PITPNB: variants seen among roughly 807,000 people sequenced by gnomAD.
The protein encoded by PITPNB is phosphatidylinositol transfer protein beta isoform.
PITPNB carries 16 observed loss-of-function variants against 45.9 expected under a neutral mutation model. The ratio of observed to expected loss-of-function variants is 0.35; its 90% CI spans 0.24 to 0.53. The LOEUF (loss-of-function observed/expected upper bound fraction) is 0.53, where lower values mean the gene tolerates loss of function less well. PITPNB is among the 20% of genes least tolerant of loss of function. The probability of loss-of-function intolerance (pLI) is 0.93; values close to 1 mark genes in which losing one functional copy is unlikely to be tolerated. For missense variants in PITPNB, 188 were observed against 330.5 expected, an observed-to-expected ratio of 0.57 and a Z score of 3.34; for synonymous variants, 112 against 108.9, an observed-to-expected ratio of 1.03 and a Z score of -0.18.
intron 8 of PITPNB, among the ~76,000 whole-genome samples, chr22:27,869,899 T>C (rs1934601345): frequency 1.3e-5 from 2 of 151,194 alleles, no homozygotes; most frequent in South Asian, 2.1e-4. Flanking sequence ...GGCTTTTTAA[T>C]GGATCTCCCT....
intron 1 of PITPNB, 59 bp from the exon 2 acceptor site, chr22:27,914,406 C>A (rs1354603002): frequency 3.9e-6 from 4 of 1,024,526 alleles, no homozygotes; most frequent in Non-Finnish European, 5.9e-6. Flanking sequence ...AAACACAGAT[C>A]TCTGAAGAGG....
chr22:27,912,698 C>G (rs1935962644), intron 2 of PITPNB, among the ~76,000 whole-genome samples: 1 of 151,328 alleles, frequency 6.6e-6, no homozygotes. Context: ...AATGTGCATA[C>G]AGGCCTGGCA....
chr22:27,894,606 A>G lies in PITPNB; in HGVS notation c.405T>C (p.Thr135=). ...CAATATCTATATGGACAATTTCAACAGTTTTCCATGTGTTTGGATCTAAAC... is the reference window on the plus strand; with the variant it reads ...CAATATCTATATGGACAATTTCAACGGTTTTCCATGTGTTTGGATCTAAAC... ...VHGLDPNTWK[T]VEIVHIDIAD... Residue 135 remains threonine (T), a synonymous_variant, in exon 7 of 12, where the codon ACT becomes ACC. Coordinates refer to ENST00000335272, the MANE Select transcript of PITPNB (RefSeq NM_012399.5). 1 of 1,606,450 alleles carries G rather than the reference A, an allele frequency of 6.2e-7. No individual in the cohort carries two copies. Among genetic ancestry groups the G allele is most frequent in the Non-Finnish European group, 8.5e-7 (1 of 1,173,712 alleles).
chr22:27,919,127 T>A (rs749475283), intron 1 of PITPNB, 45 bp downstream of exon 1: 2 of 1,613,808 alleles, frequency 1.2e-6, no homozygotes, highest in Admixed American at 1.7e-5. Flanking sequence ...AAATCTCCCA[T>A]CACTGCCGTC....
intron 3 of PITPNB, among the ~76,000 whole-genome samples, chr22:27,901,411 C>T (rs1328348979): frequency 6.6e-6 from 1 of 152,138 alleles, no homozygotes; most frequent in Non-Finnish European, 1.5e-5. Context: ...CTTCTCCTTC[C>T]CACTGCAGAT....
intron 7 of PITPNB, among the ~76,000 whole-genome samples, chr22:27,875,778 G>C (rs1054117085): frequency 5.3e-5 from 8 of 152,024 alleles, no homozygotes; most frequent in Non-Finnish European, 1.0e-4. Context: ...GGTAATTCAA[G>C]GAAACAGATA....
chr22:27,858,438 C>G lies in PITPNB; in HGVS notation c.717G>C (p.Thr239=). 6.2e-7 allele frequency: 1 copy of G among 1,609,322 alleles called. No homozygotes were observed. The highest frequency in any genetic ancestry group is 8.5e-7 in the Non-Finnish European group (1 of 1,176,196). ...CTTCCATTCTCCTAATGTCTTCCATCGTGAGATCGATCCACTTGTCAATCC... is the reference window on the plus strand; with the variant it reads ...CTTCCATTCTCCTAATGTCTTCCATGGTGAGATCGATCCACTTGTCAATCC... ...FCWIDKWIDL[T]MEDIRRMEDE... The change falls in exon 10 of 12, where the codon ACG becomes ACC. Residue 239 remains threonine (T), a synonymous_variant. Transcript: ENST00000335272.
intron 3 of PITPNB, among the ~76,000 whole-genome samples, chr22:27,902,022 C>T (rs1935609216): frequency 6.6e-6 from 1 of 152,010 alleles, no homozygotes; most frequent in African/African-American, 2.4e-5. Context: ...GCAGGGACGA[C>T]TCCTACTCAG....
chr22:27,903,393 C>T (rs1327634060), intron 3 of PITPNB, among the ~76,000 whole-genome samples: 2 of 149,020 alleles, frequency 1.3e-5, no homozygotes, highest in African/African-American at 5.0e-5. Flanking sequence ...CTCTTGAACC[C>T]GGAAGGCGGA....
At chr22:27,892,155 C>T (rs1163525529) in intron 7 of PITPNB, among the ~76,000 whole-genome samples, 1 of 152,186 alleles carries the variant, frequency 6.6e-6, no homozygotes, top group African/African-American at 2.4e-5. Context: ...CAGTGCCTTC[C>T]ACCTGGAGCA....
Position 27,890,432 on chromosome 22 carries a change from T to C in PITPNB, c.456+4123A>G, listed in dbSNP as rs550716134. Among the ~76,000 whole-genome samples the C allele has an allele frequency of 4.0e-5, 6 of 151,858 alleles. No homozygotes were observed. The South Asian group carries it at 1.0e-3, about 26-fold the overall frequency. ...TTAATTATCCCCCAAGACAGCACAT[T>C]AGACGAAAAGCTCCTGTGACACAAA... On this transcript the variant is annotated intron_variant, in intron 7 of 11. Transcript: ENST00000335272.
In PITPNB at chr22:27,903,675, CTGAGG is replaced by C. The variant is rs1341030533; in HGVS notation, c.198-5788_198-5784del. On this transcript the variant is annotated intron_variant, in intron 3 of 11. Coordinates refer to ENST00000335272, the MANE Select transcript of PITPNB (RefSeq NM_012399.5). ...CCTATGGTCCCAGCTACTCGAGAGG[CTGAGG>C]TGGGGGGATTGCTTGAGCCCAGGAG... Among the ~76,000 whole-genome samples the C allele has an allele frequency of 2.7e-5, 4 of 148,160 alleles. No individual in the cohort carries two copies. The Admixed American group carries it at 2.7e-4, about 10-fold the overall frequency.
intron 3 of PITPNB, among the ~76,000 whole-genome samples, chr22:27,900,142 G>C (rs1935550860): frequency 6.6e-6 from 1 of 151,720 alleles, no homozygotes; most frequent in African/African-American, 2.4e-5. Context: ...GGAGGGTGCA[G>C]TGAGCTGAGA....
At chr22:27,858,069 G>A (rs957377012) in intron 10 of PITPNB, among the ~76,000 whole-genome samples, 66 of 152,280 alleles carry the variant, frequency 4.3e-4, no homozygotes, top group Non-Finnish European at 9.0e-4. Flanking sequence ...TGTCTAAAAC[G>A]ACTGTGAACC....
chr22:27,901,140 G>T (rs142994507), intron 3 of PITPNB, among the ~76,000 whole-genome samples: 1 of 152,340 alleles, frequency 6.6e-6, no homozygotes, highest in East Asian at 1.9e-4. Flanking sequence ...CTGCTTAAGA[G>T]TGAAGAGTTA....
chr22:27,879,351 T>C (rs1011574863), intron 7 of PITPNB, among the ~76,000 whole-genome samples: 2 of 152,144 alleles, frequency 1.3e-5, no homozygotes, highest in Non-Finnish European at 2.9e-5. Flanking sequence ...GGAAACCAAA[T>C]AGCTGTGCTC....
intron 5 of PITPNB, 83 bp from the exon 6 acceptor site, chr22:27,896,709 A>G: frequency 1.2e-6 from 1 of 842,348 alleles, no homozygotes; most frequent in Non-Finnish European, 2.0e-6. Context: ...TTCCCAGTAT[A>G]GGCATCCATG....
At chr22:27,898,920 A>C (rs1312225400) in intron 3 of PITPNB, among the ~76,000 whole-genome samples, 1 of 152,228 alleles carries the variant, frequency 6.6e-6, no homozygotes, top group Non-Finnish European at 1.5e-5. Context: ...ATCAGTCTTA[A>C]CAGTCTTCAA....
At chr22:27,857,760 A>G (rs1601373726) in intron 10 of PITPNB, among the ~76,000 whole-genome samples, 1 of 152,192 alleles carries the variant, frequency 6.6e-6, no homozygotes, top group African/African-American at 2.4e-5. Context: ...GAGGAGAGAG[A>G]AGACACCCAC....
Sources: gnomAD v4.1 joint callset for allele counts (sites outside exome capture counted in the v4.1 genomes callset) on GRCh38, gnomAD v4.1.1 for gene constraint, MANE v1.5 for transcripts, NCBI Gene and HGNC (gene_info 2026-07-23, HGNC 2026-07-21) for gene names.